Variants in CEMIP2 observed in about 807,000 individuals in gnomAD.
The protein encoded by CEMIP2 is cell migration inducing hyaluronidase 2, also known as cell surface hyaluronidase CEMIP2.
A neutral mutation model predicts 146.9 loss-of-function variants in CEMIP2; 79 were observed. The ratio of observed to expected loss-of-function variants is 0.54; its 90% confidence interval spans 0.45 to 0.65. The LOEUF (loss-of-function observed/expected upper bound fraction) is 0.65. Among genes scored for constraint, CEMIP2 ranks in the 30% least tolerant of loss-of-function variants. The probability of loss-of-function intolerance (pLI) is 0.00; values close to 1 mark genes in which losing one functional copy is unlikely to be tolerated. For missense variants in CEMIP2, 1,596 were observed against 1,696.2 expected (o/e 0.94, Z 1.04); for synonymous variants, 601 against 606.3 (o/e 0.99, Z 0.13).
intron 18 of CEMIP2, among the ~76,000 whole-genome samples, chr9:71,703,968 C>T (rs746189740): frequency 2.6e-5 from 4 of 152,212 alleles, no homozygotes; most frequent in Non-Finnish European, 4.4e-5. Flanking sequence ...TACCTGTCTA[C>T]TCTGAACTCC....
chr9:71,704,125 C>T (rs1822656347), intron 18 of CEMIP2, among the ~76,000 whole-genome samples: 1 of 152,144 alleles, frequency 6.6e-6, no homozygotes, highest in Non-Finnish European at 1.5e-5. Context: ...ATAGTGCTTT[C>T]AGGCAGGGCT....
At chr9:71,767,638 T>G (rs1824836753) in intron 1 of CEMIP2, among the ~76,000 whole-genome samples, 1 of 152,166 alleles carries the variant, frequency 6.6e-6, no homozygotes, top group South Asian at 2.1e-4. Flanking sequence ...TAGCCACTAG[T>G]GCTATTAACA....
At chr9:71,755,297 G>A (rs964954657) in intron 1 of CEMIP2, among the ~76,000 whole-genome samples, 28 of 149,684 alleles carry the variant, frequency 1.9e-4, no homozygotes, top group Admixed American at 8.0e-4. Context: ...GATTGCTTGA[G>A]GCCAGGAATT....
Position 71,735,001 on chromosome 9 carries a change from C to CAAAAAAAAAAAAAAAAAAAAAA in CEMIP2, c.1205-8_1205-7insTTTTTTTTTTTTTTTTTTTTTT, listed in dbSNP as rs71353514. 8.5e-7 allele frequency: 1 copy of CAAAAAAAAAAAAAAAAAAAAAA among 1,175,696 alleles called. No individual in the cohort carries two copies. The allele number at this position is 1,175,696 out of a possible 1,614,324, so 72.8% of individuals were successfully genotyped here. ...AATCCTGAAAGAGAAACGCCTAAAC[C>CAAAAAAAAAAAAAAAAAAAAAA]AAAAAAAAAAAAAAGAAAAAGAAAG... is the stretch of plus-strand genomic sequence containing the variant. On this transcript the variant is annotated splice_polypyrimidine_tract_variant and splice_region_variant and intron_variant, in intron 5 of 23. Coordinates refer to ENST00000377044, the MANE Select transcript of CEMIP2 (RefSeq NM_013390.3).
In CEMIP2 at chr9:71,684,308, C is replaced by T. The variant is rs910417739; in HGVS notation, c.*889G>A. 6.6e-6 allele frequency: 1 copy of T among 152,342 alleles called. No homozygotes were observed. The highest frequency in any genetic ancestry group is 2.4e-5 in the African/African-American group (1 of 41,410). The allele number at this position is 152,342 out of a possible 1,614,324, so 9.4% of individuals were successfully genotyped here. On this transcript the variant is annotated 3_prime_UTR_variant, in exon 24 of 24. Transcript: ENST00000377044. The stretch of plus-strand genomic sequence containing the variant: ...AAAAACCCAAGTGCAAGAGCAATAC[C>T]AAGAACAGACTTCCTTTGTGCAAGT...
At chr9:71,730,340 G>A in intron 8 of CEMIP2, 87 bp from the exon 9 acceptor site, 2 of 1,339,316 alleles carry the variant, frequency 1.5e-6, no homozygotes, top group Non-Finnish European at 2.1e-6. Flanking sequence ...AGCATGTTCA[G>A]TACAAGTGGA....
intron 21 of CEMIP2, 99 bp from the exon 22 acceptor site, chr9:71,690,345 T>TGATTCAAAGTATATTTCCAA (rs1822193097): frequency 7.4e-7 from 1 of 1,360,296 alleles, no homozygotes; most frequent in Admixed American, 2.5e-5. Context: ...TCTAAACCCA[T>TGATTCAAAGTATATTTCCAA]GATTCAAAGT....
intron 2 of CEMIP2, among the ~76,000 whole-genome samples, chr9:71,748,645 G>T (rs1443663338): frequency 6.6e-6 from 1 of 152,202 alleles, no homozygotes; most frequent in African/African-American, 2.4e-5. Flanking sequence ...TCAGCACAGA[G>T]AACTTGGTTA....
intron 22 of CEMIP2, among the ~76,000 whole-genome samples, chr9:71,687,644 C>T (rs1182120562): frequency 6.6e-6 from 1 of 151,776 alleles, no homozygotes; most frequent in Non-Finnish European, 1.5e-5. Flanking sequence ...GCCTGGGAAA[C>T]ACAGCAAAAC....
upstream of CEMIP2, chr9:71,768,899 G>C (rs1824887244): frequency 7.0e-6 from 1 of 142,756 alleles, no homozygotes; most frequent in Non-Finnish European, 1.5e-5. Context: ...CTGTGGATTG[G>C]GCGGGCGGGC....
intron 16 of CEMIP2, 42 bp downstream of exon 16, chr9:71,712,041 T>C: frequency 6.3e-7 from 1 of 1,594,876 alleles, no homozygotes; most frequent in East Asian, 2.2e-5. Flanking sequence ...TCCCTCCTTT[T>C]TTCACCATAG....
intron 7 of CEMIP2, among the ~76,000 whole-genome samples, chr9:71,731,159 T>C (rs1437830388): frequency 2.0e-5 from 3 of 152,248 alleles, no homozygotes; most frequent in Non-Finnish European, 4.4e-5. Context: ...TCAGGAAAGC[T>C]GCAATAATGA....
chr9:71,702,356 A>G (rs571713075), intron 18 of CEMIP2, among the ~76,000 whole-genome samples: 149 of 151,884 alleles, frequency 9.8e-4, no homozygotes, highest in African/African-American at 3.5e-3. Context: ...CAAAAGATAG[A>G]AAAGATGTTC....
Position 71,745,155 on chromosome 9 carries a change from C to G in CEMIP2, c.897G>C (p.Glu299Asp), listed in dbSNP as rs370868438. 3.7e-6 allele frequency: 6 copies of G among 1,614,170 alleles called. No individual in the cohort carries two copies. The highest frequency in any genetic ancestry group is 5.1e-6 in the Non-Finnish European group (6 of 1,180,022). ...GACCTGGATCCTGGAATCTCAGAAA[C>G]TCCTGAAGCCGCCTGCTCTCATTGC... is the stretch of plus-strand genomic sequence containing the variant. ...EYRNESRRLQ[E>D]FLRFQDPGRI... Residue 299 changes from glutamate to aspartate, a missense_variant, in exon 4 of 24, where the codon GAG (glutamate) becomes GAC (aspartate). Physicochemically the swap from Glu to Asp is conservative, Grantham distance 45. Transcript: ENST00000377044.
At chr9:71,696,503 G>A (rs995523151) in intron 20 of CEMIP2, among the ~76,000 whole-genome samples, 3 of 151,958 alleles carry the variant, frequency 2.0e-5, no homozygotes, top group Non-Finnish European at 2.9e-5. Context: ...CAGTGCAGAG[G>A]CTTACACCTG....
chr9:71,767,256 C>G (rs1003536707), intron 1 of CEMIP2, among the ~76,000 whole-genome samples: 3 of 152,156 alleles, frequency 2.0e-5, no homozygotes, highest in Admixed American at 6.5e-5. Context: ...GGAGTCAGGC[C>G]TCCCTCAGCT....
rs1491467360 is a variant in CEMIP2 at position 71,728,280 on chromosome 9, T to TATATATACAC, written c.2049+1564_2049+1565insGTGTATATAT. 2.1e-3 allele frequency among the ~76,000 whole-genome samples: 26 copies of TATATATACAC among 12,648 alleles called. 2 individuals are homozygous for TATATATACAC. Among genetic ancestry groups the TATATATACAC allele is most frequent in the African/African-American group, 5.5e-3 (25 of 4,546 alleles). The allele number at this position is 12,648 out of a possible 152,430, so 8.3% of individuals were successfully genotyped here. ...ATACACGTATATATATATATATATATGTATATATATATATATATATACATA... is the reference window on the plus strand; with the variant it reads ...ATACACGTATATATATATATATATATATATATACACGTATATATATATATATATATACATA... On this transcript the variant is annotated intron_variant, in intron 10 of 23. Transcript: ENST00000377044.
intron 20 of CEMIP2, among the ~76,000 whole-genome samples, chr9:71,697,410 A>G (rs111976900): frequency 6.6e-6 from 1 of 152,220 alleles, no homozygotes; most frequent in African/African-American, 2.4e-5. Context: ...CATCTAATCA[A>G]GAATGTTAGA....
At chr9:71,729,823 AG>A (rs776724643) in intron 10 of CEMIP2, 21 bp downstream of exon 10, 1 of 1,607,372 alleles carries the variant, frequency 6.2e-7, no homozygotes, top group South Asian at 1.1e-5. Context: ...AAAACATCTG[AG>A]GTCACTTTAA....
Sources: allele counts gnomAD v4.1 joint callset (sites outside exome capture counted in the v4.1 genomes callset), GRCh38; gene constraint gnomAD v4.1.1; transcripts MANE v1.5; gene names NCBI Gene and HGNC (gene_info 2026-07-23, HGNC 2026-07-21).